MORN3: variants seen among roughly 807,000 people sequenced by gnomAD.
The protein encoded by MORN3 is MORN repeat-containing protein 3.
In MORN3, 38 loss-of-function variants were observed where a neutral mutation model predicts 34.7. The observed-to-expected ratio is 1.10, with a 90% confidence interval of 0.85 to 1.44. The LOEUF is 1.44. MORN3 is among the 40% of genes most tolerant of loss of function. The pLI, the probability that MORN3 is intolerant of heterozygous loss-of-function variation, is 0.00. For synonymous variants in MORN3, 109 were observed against 115.3 expected (o/e 0.95, Z 0.35); for missense variants, 311 against 321.7 (o/e 0.97, Z 0.25).
intron 2 of MORN3, among the ~76,000 whole-genome samples, chr12:121,655,572 G>A (rs1280998415): frequency 2.0e-5 from 3 of 151,930 alleles, no homozygotes; most frequent in African/African-American, 7.3e-5. Flanking sequence ...TTAGCTGAGT[G>A]TGGTGGTGGG....
intron 2 of MORN3, among the ~76,000 whole-genome samples, chr12:121,658,917 C>T (rs1229351383): frequency 6.6e-6 from 1 of 152,144 alleles, no homozygotes; most frequent in Non-Finnish European, 1.5e-5. Context: ...GAGGCGACTT[C>T]GTCCCCACAA....
Position 121,649,891 on chromosome 12 carries a change from G to T in MORN3, c.*1760C>A, listed in dbSNP as rs1893212220. 3 of 145,292 alleles carry T rather than the reference G, an allele frequency of 2.1e-5. No homozygotes were observed. Among genetic ancestry groups the T allele is most frequent in the Admixed American group, 6.9e-5 (1 of 14,454 alleles). 9.0% of individuals were successfully genotyped at this position (145,292 alleles called of 1,614,324 possible). On this transcript the variant is annotated 3_prime_UTR_variant, in exon 6 of 6. Coordinates refer to ENST00000355329, the MANE Select transcript of MORN3 (RefSeq NM_173855.5). ...TTTTTTTTTTTTTTTGTAGCATGGTGATATTGCACTATGCTTAACCGCATC... is the reference window on the plus strand; with the variant it reads ...TTTTTTTTTTTTTTTGTAGCATGGTTATATTGCACTATGCTTAACCGCATC...
rs1327648257 is a variant in MORN3 at position 121,654,266 on chromosome 12, GCACT to G, written c.463+4_463+7del. The G allele has an allele frequency of 2.7e-5, 42 of 1,547,214 alleles. No homozygotes were observed. The highest frequency in any genetic ancestry group is 1.8e-4 in the Middle Eastern group (1 of 5,524). On this transcript the variant is annotated splice_donor_5th_base_variant and intron_variant, in intron 3 of 5. Coordinates refer to ENST00000355329, the MANE Select transcript of MORN3 (RefSeq NM_173855.5). ...GGTGGGCGGGGCCGGCGGGGGTGGGGCACTCACTCAGGCGCAGCATGCCCTCCCC... is the reference window on the plus strand; with the variant it reads ...GGTGGGCGGGGCCGGCGGGGGTGGGGCACTCAGGCGCAGCATGCCCTCCCC...
Position 121,659,340 on chromosome 12 carries a change from T to C in MORN3, c.154A>G (p.Thr52Ala), listed in dbSNP as rs1893512070. The C allele has an allele frequency of 1.2e-6, 2 of 1,613,890 alleles. No individual in the cohort carries two copies. Among genetic ancestry groups the C allele is most frequent in the African/African-American group, 2.7e-5 (2 of 74,996 alleles). Residue 52 changes from threonine (T) to alanine (A), a missense_variant, in exon 2 of 6, where the codon ACA (threonine) becomes GCA (alanine). Physicochemically the swap from Thr to Ala is moderately conservative, Grantham distance 58 (BLOSUM62 0). Coordinates refer to ENST00000355329, the MANE Select transcript of MORN3 (RefSeq NM_173855.5). Reference sequence around the variant, plus strand: ...GCTCCTTTCTTCTTCCAGACCTGTGTTCCTTTCCCTGGTGACACACAGATG... The same window carrying C: ...GCTCCTTTCTTCTTCCAGACCTGTGCTCCTTTCCCTGGTGACACACAGATG... The part of the protein sequence containing the change: ...WKDNVKHGKG[T>A]QVWKKKGAIY...
rs1468948024 is a variant in MORN3 at position 121,651,313 on chromosome 12, G to A, written c.*338C>T. 1 of 152,284 alleles carries A rather than the reference G, an allele frequency of 6.6e-6. No individual in the cohort carries two copies. Among genetic ancestry groups the A allele is most frequent in the Non-Finnish European group, 1.5e-5 (1 of 68,214 alleles). 9.4% of individuals were successfully genotyped at this position (152,284 alleles called of 1,614,324 possible). A position where few individuals can be genotyped will look rare whatever the true frequency, so the allele number is the denominator to read the frequency against. ...AACCCAGGCAGCCCAGCCAAGGCAGGTCTTCCCTCTTCTAAACCTGAAAGC... is the reference window on the plus strand; with the variant it reads ...AACCCAGGCAGCCCAGCCAAGGCAGATCTTCCCTCTTCTAAACCTGAAAGC... On this transcript the variant is annotated 3_prime_UTR_variant, in exon 6 of 6. Transcript: ENST00000355329.
chr12:121,662,598 A>G (rs1349053859), intron 1 of MORN3, among the ~76,000 whole-genome samples: 1 of 152,116 alleles, frequency 6.6e-6, no homozygotes, highest in East Asian at 1.9e-4. Flanking sequence ...TACTAAAAAT[A>G]CAAAAATTAG....
chr12:121,669,834 T>TATATATATATATATATATATATATATATA (rs1566488482), upstream of MORN3, among the ~76,000 whole-genome samples: 4 of 92,272 alleles, frequency 4.3e-5, no homozygotes, highest in Non-Finnish European at 6.9e-5. Context: ...ATATATATAT[T>TATATATATATATATATATATATATATATA]TTTTTTTTTA....
intron 2 of MORN3, among the ~76,000 whole-genome samples, chr12:121,657,654 G>A (rs1225227057): frequency 6.6e-6 from 1 of 152,002 alleles, no homozygotes; most frequent in Non-Finnish European, 1.5e-5. Flanking sequence ...GATCACCTGA[G>A]GTCGGGAGTT....
chr12:121,658,741 C>G (rs1555325979), intron 2 of MORN3, among the ~76,000 whole-genome samples: 1 of 152,050 alleles, frequency 6.6e-6, no homozygotes, highest in African/African-American at 2.4e-5. Flanking sequence ...CCGGGCTGAG[C>G]ACGCGCCTCT....
chr12:121,661,561 G>C (rs1309921908), intron 1 of MORN3, among the ~76,000 whole-genome samples: 1 of 152,074 alleles, frequency 6.6e-6, no homozygotes, highest in East Asian at 1.9e-4. Flanking sequence ...AGATATCTCA[G>C]CTGTAAAATG....
chr12:121,653,203 G>GCC lies in MORN3; in HGVS notation c.518_519dup (p.Arg174GlyfsTer26), dbSNP rs1893303358. ...TGGCCGTGGTCCAGATGGAAGAAACGCCCCGCCCCGTTCTTCATGCCTCTC... is the reference window on the plus strand; with the variant it reads ...TGGCCGTGGTCCAGATGGAAGAAACGCCCCCCGCCCCGTTCTTCATGCCTCTC... On this transcript the variant is annotated frameshift_variant, in exon 4 of 6. Transcript: ENST00000355329. LOFTEE classifies it high-confidence loss of function. The GCC allele has an allele frequency of 6.2e-7, 1 of 1,614,030 alleles. No individual in the cohort carries two copies. The highest frequency in any genetic ancestry group is 1.3e-5 in the African/African-American group (1 of 74,944).
intron 5 of MORN3, among the ~76,000 whole-genome samples, chr12:121,652,273 G>A (rs1344387161): frequency 2.0e-5 from 3 of 150,116 alleles, no homozygotes; most frequent in Admixed American, 6.6e-5. Flanking sequence ...CCATTCTGTC[G>A]CCCAGGCTGG....
At chr12:121,654,764 A>G (rs1893366237) in intron 2 of MORN3, among the ~76,000 whole-genome samples, 3 of 151,160 alleles carry the variant, frequency 2.0e-5, no homozygotes. Flanking sequence ...CGCCCTGCTA[A>G]TTTTTGTATT....
upstream of MORN3, among the ~76,000 whole-genome samples, chr12:121,672,089 G>A (rs574381156): frequency 6.6e-6 from 1 of 152,100 alleles, no homozygotes; most frequent in Non-Finnish European, 1.5e-5. Context: ...GTTCTACTCC[G>A]GAGGAGGCTG....
chr12:121,670,179 TCC>T (rs1893915449), upstream of MORN3, among the ~76,000 whole-genome samples: 2 of 151,946 alleles, frequency 1.3e-5, no homozygotes, highest in South Asian at 4.1e-4. Context: ...CAAATATGAA[TCC>T]AAAATATGAA....
chr12:121,655,654 T>C (rs1479062894), intron 2 of MORN3, among the ~76,000 whole-genome samples: 1 of 151,574 alleles, frequency 6.6e-6, no homozygotes, highest in Non-Finnish European at 1.5e-5. Flanking sequence ...GAGGTTGCAG[T>C]GAGCCCAGAT....
upstream of MORN3, among the ~76,000 whole-genome samples, chr12:121,671,200 G>A (rs1361441418): frequency 2.0e-5 from 3 of 150,012 alleles, no homozygotes; most frequent in Admixed American, 2.0e-4. Context: ...GAGGTCAGGA[G>A]ATTGAGACCA....
At position 121,649,935 on chromosome 12, in the gene MORN3, A is replaced by G. The variant is rs1337780060; in HGVS notation, c.*1716T>C. ...CCGCATCCCTGGTCTCTACTCACTCAATGCCAGTAGCCTTCTTCCTGCCTG... is the reference window on the plus strand; with the variant it reads ...CCGCATCCCTGGTCTCTACTCACTCGATGCCAGTAGCCTTCTTCCTGCCTG... On this transcript the variant is annotated 3_prime_UTR_variant, in exon 6 of 6. Coordinates refer to ENST00000355329, the MANE Select transcript of MORN3 (RefSeq NM_173855.5). 1 of 147,286 alleles carries G rather than the reference A, an allele frequency of 6.8e-6. No homozygotes were observed. The highest frequency in any genetic ancestry group is 2.5e-5 in the African/African-American group (1 of 39,432). 9.1% of individuals were successfully genotyped at this position (147,286 alleles called of 1,614,324 possible). A position where few individuals can be genotyped will look rare whatever the true frequency, so the allele number is the denominator to read the frequency against.
intron 1 of MORN3, among the ~76,000 whole-genome samples, chr12:121,665,278 C>CTTTTTTTTTT (rs767525874): frequency 1.6e-4 from 8 of 50,668 alleles, no homozygotes; most frequent in Non-Finnish European, 1.7e-4. Context: ...TTTTTCTTTC[C>CTTTTTTTTTT]TTTTTTTTTT....
Sources: allele counts gnomAD v4.1 joint callset (sites outside exome capture counted in the v4.1 genomes callset), GRCh38; gene constraint gnomAD v4.1.1; transcripts MANE v1.5; gene names NCBI Gene and HGNC (gene_info 2026-07-23, HGNC 2026-07-21).